The following ROR2 variants were observed in gnomAD, a reference collection of about 807,000 sequenced individuals.
The protein encoded by ROR2 is tyrosine-protein kinase transmembrane receptor ROR2.
Under a neutral mutation model 74.9 loss-of-function variants are expected in ROR2, and 33 were observed. That is an observed-to-expected ratio of 0.44 (90% CI 0.33 to 0.59). ROR2 has a LOEUF of 0.59. ROR2 is among the 20% of genes least tolerant of loss of function. The pLI, the probability that ROR2 is intolerant of heterozygous loss-of-function variation, is 0.02. For missense variants in ROR2, 1,216 were observed against 1,313.8 expected (o/e 0.93, Z 1.15); for synonymous variants, 586 against 558.7 (o/e 1.05, Z -0.69).
chr9:91,936,420 T>A (rs1187722543), intron 1 of ROR2, among the ~76,000 whole-genome samples: 1 of 152,228 alleles, frequency 6.6e-6, no homozygotes, highest in Non-Finnish European at 1.5e-5. Flanking sequence ...CATCTGCCCC[T>A]GTGTGAGCTG....
At position 91,724,034 on chromosome 9, in the gene ROR2, G is replaced by A. The variant is rs780298605; in HGVS notation, c.2460C>T (p.Pro820=). Residue 820 remains proline (P), a synonymous_variant, in exon 9 of 9, where the codon CCC becomes CCT. Coordinates refer to ENST00000375708, the MANE Select transcript of ROR2 (RefSeq NM_004560.4). Reference sequence around the variant, plus strand: ...CCGGCACCGGCTGGTAGCCGTTGACGGGGACGTAGAGCTGCGGCGGGGGCA... The same window carrying A: ...CCGGCACCGGCTGGTAGCCGTTGACAGGGACGTAGAGCTGCGGCGGGGGCA... ...PMVPPPQLYV[P]VNGYQPVPAY... 252 of 1,612,110 alleles carry A rather than the reference G, an allele frequency of 1.6e-4. No individual in the cohort carries two copies. Among genetic ancestry groups the A allele is most frequent in the Non-Finnish European group, 2.0e-4 (236 of 1,179,878 alleles).
chr9:91,756,555 C>A (rs569523707), intron 3 of ROR2, among the ~76,000 whole-genome samples: 1 of 152,078 alleles, frequency 6.6e-6, no homozygotes, highest in East Asian at 1.9e-4. Flanking sequence ...GCTCTCTCCC[C>A]ACCCCAGCCA....
chr9:91,841,645 G>A (rs953452669), intron 1 of ROR2, among the ~76,000 whole-genome samples: 2 of 152,200 alleles, frequency 1.3e-5, no homozygotes, highest in South Asian at 2.1e-4. Context: ...AGTACAGCCC[G>A]GTGGGCTCCT....
rs771759219 is a variant in ROR2, at chr9:91,724,395, T to C, written c.2099A>G (p.Asp700Gly). ...CCGGTTCCGGATCATCTCCACCACA[T>C]CCTGGTTGGAGTACCCGCAGTAGGG... is the stretch of plus-strand genomic sequence containing the variant. Reference protein sequence around the residue: ...LQPYCGYSNQDVVEMIRNRQV... With the variant: ...LQPYCGYSNQGVVEMIRNRQV... Residue 700 changes from aspartate to glycine, a missense_variant, in exon 9 of 9, where the codon GAT becomes GGT. Asp to Gly is a moderately conservative substitution (Grantham distance 94). Transcript: ENST00000375708. 1 of 1,614,050 alleles carries C rather than the reference T, an allele frequency of 6.2e-7. No individual in the cohort carries two copies. Among genetic ancestry groups the C allele is most frequent in the Non-Finnish European group, 8.5e-7 (1 of 1,180,008 alleles).
At chr9:91,949,466 G>T (rs1450645385) in intron 1 of ROR2, among the ~76,000 whole-genome samples, 2 of 152,104 alleles carry the variant, frequency 1.3e-5, no homozygotes, top group South Asian at 4.2e-4. Flanking sequence ...GTGTGCCCTT[G>T]AAGGAGGAAG....
intron 1 of ROR2, among the ~76,000 whole-genome samples, chr9:91,853,370 G>A (rs1439001564): frequency 6.6e-6 from 1 of 152,196 alleles, no homozygotes; most frequent in Non-Finnish European, 1.5e-5. Flanking sequence ...TGGCACCAGA[G>A]GACACAGCCT....
chr9:91,912,260 C>A (rs1193664406), intron 1 of ROR2, among the ~76,000 whole-genome samples: 1 of 152,034 alleles, frequency 6.6e-6, no homozygotes, highest in Non-Finnish European at 1.5e-5. Context: ...TTAAGGGAAG[C>A]CGAGTTAAAG....
Position 91,783,448 on chromosome 9 carries a change from G to A in ROR2, c.98-7630C>T, listed in dbSNP as rs905741916. Among the ~76,000 whole-genome samples the A allele has an allele frequency of 5.9e-5, 9 of 152,264 alleles. No homozygotes were observed. In the South Asian group the frequency reaches 8.3e-4, roughly 14 times the overall value. On this transcript the variant is annotated intron_variant, in intron 1 of 8. Coordinates refer to ENST00000375708, the MANE Select transcript of ROR2 (RefSeq NM_004560.4). ...AAGTACAGGTGTGCTGGGACTGCTC[G>A]CATGCCCAGGAACTGCCAACTTGTT...
intron 1 of ROR2, among the ~76,000 whole-genome samples, chr9:91,897,832 T>C (rs1365273787): frequency 6.6e-6 from 1 of 152,188 alleles, no homozygotes; most frequent in Non-Finnish European, 1.5e-5. Flanking sequence ...CTTCCCTCCC[T>C]GAGGACGGGT....
At chr9:91,793,551 A>G (rs183308520) in intron 1 of ROR2, among the ~76,000 whole-genome samples, 199 of 152,254 alleles carry the variant, frequency 1.3e-3, no homozygotes, top group Non-Finnish European at 2.1e-3. Flanking sequence ...TCATGAGGTC[A>G]GGAGTCCAAG....
intron 1 of ROR2, among the ~76,000 whole-genome samples, chr9:91,875,917 C>CAG (rs1564013855): frequency 1.3e-5 from 2 of 152,022 alleles, no homozygotes; most frequent in African/African-American, 2.4e-5. Flanking sequence ...GGTGGGGTAA[C>CAG]AAACAATGAG....
In ROR2 at chr9:91,814,854, G is replaced by A. The variant is rs545121924; in HGVS notation, c.98-39036C>T. Among the ~76,000 whole-genome samples the A allele has an allele frequency of 4.6e-5, 7 of 152,322 alleles. No individual in the cohort carries two copies. In the East Asian group the frequency reaches 5.8e-4, roughly 13 times the overall value. ...ACGATGGGCCCATGGGCCGTGGAAC[G>A]TAAAACACAAAACAAAGACAACCCA... On this transcript the variant is annotated intron_variant, in intron 1 of 8. Coordinates refer to ENST00000375708, the MANE Select transcript of ROR2 (RefSeq NM_004560.4).
At chr9:91,734,816 G>A (rs920767503) in intron 5 of ROR2, among the ~76,000 whole-genome samples, 1 of 152,196 alleles carries the variant, frequency 6.6e-6, no homozygotes, top group African/African-American at 2.4e-5. Flanking sequence ...GAGCAGCCAC[G>A]CTGTCCTGAT....
At chr9:91,903,257 C>T (rs1049161582) in intron 1 of ROR2, among the ~76,000 whole-genome samples, 1 of 152,128 alleles carries the variant, frequency 6.6e-6, no homozygotes, top group Non-Finnish European at 1.5e-5. Flanking sequence ...TGACTGCAGT[C>T]GGCCCAGGAG....
chr9:91,927,115 A>G lies in ROR2; in HGVS notation c.97+22752T>C, dbSNP rs181804014. On this transcript the variant is annotated intron_variant, in intron 1 of 8. Coordinates refer to ENST00000375708, the MANE Select transcript of ROR2 (RefSeq NM_004560.4). ...GAACGGTGCTCTTTTGCCCCATTTC[A>G]TGGGCCATACTCAGCCCACCAGAGC... Among the ~76,000 whole-genome samples, 207 of 152,334 alleles carry G rather than the reference A, an allele frequency of 1.4e-3. 1 individual carries two copies. In the Middle Eastern group the frequency reaches 0.02, roughly 15 times the overall value.
At chr9:91,775,200 G>A (rs1826378836) in intron 2 of ROR2, among the ~76,000 whole-genome samples, 1 of 152,178 alleles carries the variant, frequency 6.6e-6, no homozygotes, top group African/African-American at 2.4e-5. Context: ...TGTGGCTATG[G>A]GGTAACACTA....
chr9:91,903,154 T>TAA (rs34224448), intron 1 of ROR2, among the ~76,000 whole-genome samples: 3 of 151,600 alleles, frequency 2.0e-5, no homozygotes, highest in Admixed American at 6.6e-5. Flanking sequence ...CAAAAGCAAA[T>TAA]AAAAAAAATA....
At chr9:91,805,755 G>A (rs1306349686) in intron 1 of ROR2, among the ~76,000 whole-genome samples, 1 of 152,080 alleles carries the variant, frequency 6.6e-6, no homozygotes, top group African/African-American at 2.4e-5. Context: ...AACGCCGAGG[G>A]GTGAATACAG....
At chr9:91,915,145 T>G (rs1831095834) in intron 1 of ROR2, among the ~76,000 whole-genome samples, 1 of 152,156 alleles carries the variant, frequency 6.6e-6, no homozygotes, top group Non-Finnish European at 1.5e-5. Context: ...GCTCAGCAGC[T>G]GGTCGGAGTT....
Sources: gnomAD v4.1 joint callset for allele counts (sites outside exome capture counted in the v4.1 genomes callset) on GRCh38, gnomAD v4.1.1 for gene constraint, MANE v1.5 for transcripts, NCBI Gene and HGNC (gene_info 2026-07-23, HGNC 2026-07-21) for gene names.